CD300C: variants seen among roughly 807,000 people sequenced by gnomAD.
The protein encoded by CD300C is CMRF35-like molecule 6.
A neutral mutation model predicts 18.4 loss-of-function variants in CD300C; 11 were observed. The ratio of observed to expected loss-of-function variants is 0.60; its 90% CI spans 0.38 to 0.99. The LOEUF is 0.99. CD300C is among the 50% of genes least tolerant of loss of function. The probability of loss-of-function intolerance (pLI) is 0.01; values close to 1 mark genes in which losing one functional copy is unlikely to be tolerated. For missense variants in CD300C, 277 were observed against 287.4 expected, an observed-to-expected ratio of 0.96 and a Z score of 0.26; for synonymous variants, 116 against 116.3, an observed-to-expected ratio of 1.00 and a Z score of 0.02.
At chr17:74,545,025 G>T in intron 1 of CD300C, 78 bp from the exon 2 acceptor site, 1 of 1,343,348 alleles carries the variant, frequency 7.4e-7, no homozygotes. Flanking sequence ...GCCCCTCATG[G>T]ACCCTGGGCG....
intron 3 of CD300C, 27 bp from the exon 4 acceptor site, chr17:74,541,763 A>G (rs998684204): frequency 6.2e-7 from 1 of 1,601,046 alleles, no homozygotes; most frequent in Admixed American, 1.7e-5. Context: ...ACAGGCAGTG[A>G]GTCACCTCCC....
Position 74,545,828 on chromosome 17 carries a change from G to A in CD300C, c.-46C>T. On this transcript the variant is annotated 5_prime_UTR_variant, in exon 1 of 4. Coordinates refer to ENST00000330793, the MANE Select transcript of CD300C (RefSeq NM_006678.5). Reference sequence around the variant, plus strand: ...CTGCCACTGTGCAAGACCCCAGGAGGGGACAAAATGTAATCTCCTCCCAGC... The same window carrying A: ...CTGCCACTGTGCAAGACCCCAGGAGAGGACAAAATGTAATCTCCTCCCAGC... The A allele has an allele frequency of 6.7e-7, 1 of 1,503,712 alleles. No homozygotes were observed. Among genetic ancestry groups the A allele is most frequent in the South Asian group, 1.2e-5 (1 of 86,066 alleles). The allele number at this position is 1,503,712 out of a possible 1,614,324, so 93.1% of individuals were successfully genotyped here.
At chr17:74,543,242 G>T (rs549369010) in intron 2 of CD300C, among the ~76,000 whole-genome samples, 1 of 152,390 alleles carries the variant, frequency 6.6e-6, no homozygotes, top group South Asian at 2.1e-4. Context: ...GCAAAGGTAC[G>T]GGTCTCCAGG....
intron 2 of CD300C, among the ~76,000 whole-genome samples, chr17:74,544,388 A>G (rs1378437156): frequency 6.6e-6 from 1 of 151,480 alleles, no homozygotes; most frequent in East Asian, 1.9e-4. Context: ...CACCCTCCCA[A>G]CACACACATG....
intron 2 of CD300C, among the ~76,000 whole-genome samples, chr17:74,544,374 C>T (rs933792323): frequency 3.3e-5 from 5 of 152,140 alleles, no homozygotes; most frequent in African/African-American, 7.2e-5. Flanking sequence ...CTTTTGTGGG[C>T]GCCCACCCTC....
downstream of CD300C, among the ~76,000 whole-genome samples, chr17:74,540,175 C>A (rs775021244): frequency 6.6e-6 from 1 of 152,006 alleles, no homozygotes; most frequent in East Asian, 1.9e-4. Flanking sequence ...GACACATGCA[C>A]CTGCTGCTCT....
intron 2 of CD300C, 36 bp from the exon 3 acceptor site, chr17:74,543,023 A>C: frequency 6.2e-7 from 1 of 1,611,596 alleles, no homozygotes; most frequent in Non-Finnish European, 8.5e-7. Context: ...TGATGACATC[A>C]CATGGGTCTC....
At position 74,544,652 on chromosome 17, in the gene CD300C, G is replaced by A. The variant is rs140589759; in HGVS notation, c.357C>T (p.Asp119=). ...WCGVDTPWLR[D]FHDPIVEVEV... ...CAACCTCGACAATGGGATCATGAAAGTCTCGGAGCCACGGTGTATCCACCC... is the reference window on the plus strand; with the variant it reads ...CAACCTCGACAATGGGATCATGAAAATCTCGGAGCCACGGTGTATCCACCC... Residue 119 remains aspartate, a synonymous_variant, in exon 2 of 4, where the codon GAC becomes GAT. Coordinates refer to ENST00000330793, the MANE Select transcript of CD300C (RefSeq NM_006678.5). The A allele has an allele frequency of 6.2e-7, 1 of 1,614,014 alleles. No homozygotes were observed. The highest frequency in any genetic ancestry group is 8.5e-7 in the Non-Finnish European group (1 of 1,179,862).
At chr17:74,536,486 T>A (rs1445728663), downstream of CD300C, among the ~76,000 whole-genome samples, 2 of 133,306 alleles carry the variant, frequency 1.5e-5, no homozygotes, top group Non-Finnish European at 3.1e-5. Flanking sequence ...TGAGCCGAGA[T>A]CACGCCACTG....
chr17:74,541,396 C>G lies in CD300C; in HGVS notation c.*193G>C, dbSNP rs1433562271. On this transcript the variant is annotated 3_prime_UTR_variant, in exon 4 of 4. Coordinates refer to ENST00000330793, the MANE Select transcript of CD300C (RefSeq NM_006678.5). Reference sequence around the variant, plus strand: ...GGCGTGCACATGAGACGTGGACTCACAGCTCAGGGCGTCCATGTCCGTCAG... The same window carrying G: ...GGCGTGCACATGAGACGTGGACTCAGAGCTCAGGGCGTCCATGTCCGTCAG... 1 of 587,002 alleles carries G rather than the reference C, an allele frequency of 1.7e-6. No individual in the cohort carries two copies. Among genetic ancestry groups the G allele is most frequent in the Non-Finnish European group, 3.1e-6 (1 of 325,038 alleles). The allele number at this position is 587,002 out of a possible 1,614,324, so 36.4% of individuals were successfully genotyped here. A position where few individuals can be genotyped will look rare whatever the true frequency, so the allele number is the denominator to read the frequency against.
intron 2 of CD300C, among the ~76,000 whole-genome samples, chr17:74,543,902 G>T (rs1350227641): frequency 1.3e-5 from 2 of 152,116 alleles, no homozygotes; most frequent in Admixed American, 6.5e-5. Flanking sequence ...AATTTCTGGG[G>T]TTCCCTCCTG....
chr17:74,538,954 G>A (rs939037199), downstream of CD300C, among the ~76,000 whole-genome samples: 1 of 152,198 alleles, frequency 6.6e-6, no homozygotes, highest in African/African-American at 2.4e-5. Context: ...CAGGAGGCGG[G>A]AACCCAGGTC....
chr17:74,535,691 A>AT, the CD300C span, among the ~76,000 whole-genome samples: 7 of 152,026 alleles, frequency 4.6e-5, no homozygotes, highest in Non-Finnish European at 5.9e-5. Context: ...TCTCAACATA[A>AT]TTTTTTTTCT....
chr17:74,540,769 A>T (rs1010141737), downstream of CD300C, among the ~76,000 whole-genome samples: 10 of 152,210 alleles, frequency 6.6e-5, no homozygotes, highest in Non-Finnish European at 1.2e-4. Context: ...TCCGTTTCCA[A>T]ATTTGCACCA....
chr17:74,545,867 G>T lies in CD300C; in HGVS notation c.-85C>A. 1 of 1,127,184 alleles carries T rather than the reference G, an allele frequency of 8.9e-7. No individual in the cohort carries two copies. The allele number at this position is 1,127,184 out of a possible 1,614,324, so 69.8% of individuals were successfully genotyped here. ...TCTCCTCCCAGCAGATCTGAGCTTC[G>T]CTTCTGCTTTTCTTCTGCTCTCTGC... On this transcript the variant is annotated 5_prime_UTR_variant, in exon 1 of 4. Transcript: ENST00000330793.
At chr17:74,534,901 T>C in the CD300C span, among the ~76,000 whole-genome samples, 1 of 152,210 alleles carries the variant, frequency 6.6e-6, no homozygotes, top group Non-Finnish European at 1.5e-5. Context: ...ATCTTTCCTT[T>C]AGAATCAGGA....
Position 74,541,437 on chromosome 17 carries a change from A to C in CD300C, c.*152T>G, listed in dbSNP as rs865853804. 38 of 674,064 alleles carry C rather than the reference A, an allele frequency of 5.6e-5. No individual in the cohort carries two copies. The highest frequency in any genetic ancestry group is 4.7e-4 in the South Asian group (28 of 59,910). 41.8% of individuals were successfully genotyped at this position (674,064 alleles called of 1,614,324 possible). On this transcript the variant is annotated 3_prime_UTR_variant, in exon 4 of 4. Transcript: ENST00000330793. Reference sequence around the variant, plus strand: ...TGTCCGTCAGGTTCACATGTGACACATGAGGATCGGGCACAGGGAAAAGGC... The same window carrying C: ...TGTCCGTCAGGTTCACATGTGACACCTGAGGATCGGGCACAGGGAAAAGGC...
the CD300C span, among the ~76,000 whole-genome samples, chr17:74,536,055 G>T: frequency 1.3e-5 from 2 of 152,120 alleles, no homozygotes; most frequent in African/African-American, 4.8e-5. Flanking sequence ...ATTTAGAAAT[G>T]GGTCAAGGAC....
At chr17:74,536,394 G>A (rs148317363), downstream of CD300C, among the ~76,000 whole-genome samples, 1 of 152,056 alleles carries the variant, frequency 6.6e-6, no homozygotes, top group African/African-American at 2.4e-5. Flanking sequence ...TTAGCAGGAC[G>A]TGGTGGTGGG....
Sources: allele counts gnomAD v4.1 joint callset (sites outside exome capture counted in the v4.1 genomes callset), GRCh38; gene constraint gnomAD v4.1.1; transcripts MANE v1.5; gene names NCBI Gene and HGNC (gene_info 2026-07-23, HGNC 2026-07-21).